LRRC4C: variants seen among roughly 807,000 people sequenced by gnomAD.
LRRC4C encodes leucine rich repeat containing 4C, also known as leucine-rich repeat-containing protein 4C.
A neutral mutation model predicts 33.6 loss-of-function variants in LRRC4C; 5 were observed. The ratio of observed to expected loss-of-function variants is 0.15; its 90% CI spans 0.08 to 0.31. The LOEUF (loss-of-function observed/expected upper bound fraction) is 0.31. LRRC4C is among the 10% of genes least tolerant of loss of function. The probability of loss-of-function intolerance (pLI) is 1.00; values close to 1 mark genes in which losing one functional copy is unlikely to be tolerated. For synonymous variants in LRRC4C, 329 were observed against 302.0 expected (o/e 1.09, Z -0.93); for missense variants, 560 against 796.7 (o/e 0.70, Z 3.58).
chr11:40,244,630 A>G (rs1474054704), intron 4 of LRRC4C, among the ~76,000 whole-genome samples: 1 of 152,088 alleles, frequency 6.6e-6, no homozygotes. Context: ...GTGGTAGGGT[A>G]ATTGCTGTGG....
At chr11:40,569,979 G>A (rs1216602475) in intron 3 of LRRC4C, among the ~76,000 whole-genome samples, 15 of 151,474 alleles carry the variant, frequency 9.9e-5, no homozygotes, top group Admixed American at 9.9e-4. Context: ...GTACAATATG[G>A]TAACATTGTA....
intron 1 of LRRC4C, among the ~76,000 whole-genome samples, chr11:41,177,181 TA>T (rs1945241821): frequency 6.6e-6 from 1 of 152,076 alleles, no homozygotes; most frequent in Non-Finnish European, 1.5e-5. Flanking sequence ...ATATTTGACT[TA>T]TAACAGAGGA....
chr11:40,686,058 C>T (rs1462354875), intron 2 of LRRC4C, among the ~76,000 whole-genome samples: 1 of 151,846 alleles, frequency 6.6e-6, no homozygotes, highest in Non-Finnish European at 1.5e-5. Flanking sequence ...TTTTTTCAAC[C>T]TCATCATATA....
At chr11:41,205,274 A>G (rs932487634) in intron 1 of LRRC4C, among the ~76,000 whole-genome samples, 5 of 152,204 alleles carry the variant, frequency 3.3e-5, no homozygotes, top group Non-Finnish European at 7.3e-5. Context: ...ATAGAAAACC[A>G]ATGAACATAT....
rs561430092 is a variant in LRRC4C at position 40,874,322 on chromosome 11, AT to A, written c.-407+59312del. 9.7e-4 allele frequency among the ~76,000 whole-genome samples: 147 copies of A among 151,404 alleles called. 2 individuals are homozygous for A. The South Asian group carries it at 0.023, about 24-fold the overall frequency. The stretch of plus-strand genomic sequence containing the variant: ...CCAATGTTCTGTAAGGATTTTATGC[AT>A]TTTTTTTTCCAGTAACTCTCCACAT... On this transcript the variant is annotated intron_variant, in intron 2 of 6. Coordinates refer to ENST00000528697, the MANE Select transcript of LRRC4C (RefSeq NM_001258419.2).
At chr11:40,258,139 G>A (rs933826123) in intron 4 of LRRC4C, among the ~76,000 whole-genome samples, 5 of 152,214 alleles carry the variant, frequency 3.3e-5, no homozygotes, top group Admixed American at 3.3e-4. Flanking sequence ...GTCTCTAGAT[G>A]AATATTTTAC....
intron 2 of LRRC4C, among the ~76,000 whole-genome samples, chr11:40,681,876 A>C (rs1254859257): frequency 6.6e-6 from 1 of 152,198 alleles, no homozygotes; most frequent in Non-Finnish European, 1.5e-5. Flanking sequence ...TTTCTCACTG[A>C]TATGTGGGAG....
chr11:41,181,246 A>G (rs1263925012), intron 1 of LRRC4C, among the ~76,000 whole-genome samples: 3 of 152,070 alleles, frequency 2.0e-5, no homozygotes, highest in African/African-American at 4.8e-5. Context: ...CCACTTACAC[A>G]CAACTTTACC....
chr11:40,666,374 T>C, intron 2 of LRRC4C, among the ~76,000 whole-genome samples: 1 of 152,154 alleles, frequency 6.6e-6, no homozygotes, highest in East Asian at 1.9e-4. Context: ...ACTTCTATCC[T>C]GGTTAACTTC....
chr11:40,589,471 A>C (rs974776692), intron 3 of LRRC4C, among the ~76,000 whole-genome samples: 19 of 151,268 alleles, frequency 1.3e-4, no homozygotes, highest in Non-Finnish European at 2.4e-4. Context: ...CATTTAGTCC[A>C]TTTACATTTA....
At chr11:40,345,796 T>C (rs1359183408) in intron 3 of LRRC4C, among the ~76,000 whole-genome samples, 1 of 152,062 alleles carries the variant, frequency 6.6e-6, no homozygotes, top group Non-Finnish European at 1.5e-5. Context: ...TTGCAAACTA[T>C]GTATTGGACA....
intron 1 of LRRC4C, among the ~76,000 whole-genome samples, chr11:41,022,162 A>ATATG (rs1856030857): frequency 1.4e-5 from 2 of 147,778 alleles, no homozygotes; most frequent in Admixed American, 1.4e-4. Flanking sequence ...ATATATATAT[A>ATATG]TATGTATATA....
At chr11:40,559,132 T>C (rs992934621) in intron 3 of LRRC4C, among the ~76,000 whole-genome samples, 7 of 152,120 alleles carry the variant, frequency 4.6e-5, no homozygotes, top group African/African-American at 1.7e-4. Context: ...TTGATTCAAT[T>C]TGTTTGCTAT....
intron 2 of LRRC4C, among the ~76,000 whole-genome samples, chr11:40,920,179 A>G (rs1254359732): frequency 5.3e-5 from 8 of 152,226 alleles, no homozygotes; most frequent in Non-Finnish European, 1.2e-4. Context: ...AAAAATACAC[A>G]TAACTTTCCT....
chr11:41,438,933 A>G (rs188662828), intron 1 of LRRC4C, among the ~76,000 whole-genome samples: 1 of 152,030 alleles, frequency 6.6e-6, no homozygotes, highest in East Asian at 1.9e-4. Context: ...ATTTTTGTAG[A>G]TTTGGGGAAT....
chr11:40,381,212 G>T (rs528391126), intron 3 of LRRC4C, among the ~76,000 whole-genome samples: 1 of 144,278 alleles, frequency 6.9e-6, no homozygotes, highest in African/African-American at 2.6e-5. Flanking sequence ...TAGAGTAGTT[G>T]AAATTGACTT....
At chr11:40,515,661 A>G (rs1378504302) in intron 3 of LRRC4C, among the ~76,000 whole-genome samples, 1 of 152,044 alleles carries the variant, frequency 6.6e-6, no homozygotes, top group Non-Finnish European at 1.5e-5. Context: ...TGTAAGACTT[A>G]GTAGGTTAAA....
chr11:40,999,245 G>A (rs987836780), intron 1 of LRRC4C, among the ~76,000 whole-genome samples: 4 of 151,934 alleles, frequency 2.6e-5, no homozygotes, highest in African/African-American at 4.8e-5. Flanking sequence ...TGCACACCTC[G>A]CTCACACTGT....
intron 3 of LRRC4C, among the ~76,000 whole-genome samples, chr11:40,565,489 C>T (rs947260918): frequency 2.0e-5 from 3 of 152,112 alleles, no homozygotes; most frequent in African/African-American, 7.2e-5. Flanking sequence ...CTAGCATGTT[C>T]TCATTTAGGG....
Sources: gnomAD v4.1 joint callset for allele counts (sites outside exome capture counted in the v4.1 genomes callset) on GRCh38, gnomAD v4.1.1 for gene constraint, MANE v1.5 for transcripts, NCBI Gene and HGNC (gene_info 2026-07-23, HGNC 2026-07-21) for gene names.